Variants in LNX2 observed in about 807,000 individuals in gnomAD.
LNX2 encodes the protein ligand of numb-protein X 2.
A neutral mutation model predicts 66.2 loss-of-function variants in LNX2; 35 were observed. That is an observed-to-expected ratio of 0.53 (90% CI 0.40 to 0.70). LNX2 has a LOEUF of 0.70. Among genes scored for constraint, LNX2 ranks in the 30% least tolerant of loss-of-function variants. The probability of loss-of-function intolerance (pLI) is 0.00; values close to 1 mark genes in which losing one functional copy is unlikely to be tolerated. For synonymous variants in LNX2, 337 were observed against 315.6 expected (o/e 1.07, Z -0.72); for missense variants, 791 against 850.8 (o/e 0.93, Z 0.87).
intron 7 of LNX2, among the ~76,000 whole-genome samples, chr13:27,554,820 A>C (rs917595410): frequency 6.6e-6 from 1 of 152,202 alleles, no homozygotes; most frequent in African/African-American, 2.4e-5. Context: ...TTTTCCAAAA[A>C]CAGTTGTACC....
intron 1 of LNX2, among the ~76,000 whole-genome samples, chr13:27,616,620 T>A (rs1201762735): frequency 6.6e-6 from 1 of 152,230 alleles, no homozygotes; most frequent in Non-Finnish European, 1.5e-5. Flanking sequence ...ATTCTGCAGT[T>A]AGCAAAATAG....
chr13:27,600,192 C>T (rs917930891), intron 1 of LNX2, among the ~76,000 whole-genome samples: 25 of 152,126 alleles, frequency 1.6e-4, no homozygotes, highest in African/African-American at 6.0e-4. Flanking sequence ...TAGCCAATGA[C>T]ACAAAATGAT....
intron 1 of LNX2, among the ~76,000 whole-genome samples, chr13:27,609,882 TA>T (rs1476427414): frequency 6.6e-6 from 1 of 152,228 alleles, no homozygotes; most frequent in Non-Finnish European, 1.5e-5. Flanking sequence ...TCAAATGTGC[TA>T]ATAAATGTAC....
chr13:27,618,578 T>C (rs1955851971), intron 1 of LNX2, among the ~76,000 whole-genome samples: 1 of 152,204 alleles, frequency 6.6e-6, no homozygotes, highest in African/African-American at 2.4e-5. Flanking sequence ...CAGCTCAGTA[T>C]CACTGACTGG....
chr13:27,577,979 T>C (rs1213101923), intron 2 of LNX2, among the ~76,000 whole-genome samples: 1 of 152,258 alleles, frequency 6.6e-6, no homozygotes, highest in Non-Finnish European at 1.5e-5. Flanking sequence ...TTTATTTCTC[T>C]GTTCAAAGAT....
intron 2 of LNX2, among the ~76,000 whole-genome samples, chr13:27,574,254 G>A (rs912218908): frequency 2.6e-5 from 4 of 152,206 alleles, no homozygotes; most frequent in African/African-American, 9.6e-5. Flanking sequence ...AGACCAGCCT[G>A]AACAATATGG....
At chr13:27,618,542 C>T (rs1298281795) in intron 1 of LNX2, among the ~76,000 whole-genome samples, 1 of 152,186 alleles carries the variant, frequency 6.6e-6, no homozygotes, top group Non-Finnish European at 1.5e-5. Context: ...TACCCGTTAT[C>T]ATGACATTCT....
In LNX2 at chr13:27,559,845, A is replaced by G. The variant is rs760858650; in HGVS notation, c.1365T>C (p.His455=). 6.5e-7 allele frequency: 1 copy of G among 1,549,722 alleles called. No individual in the cohort carries two copies. Among genetic ancestry groups the G allele is most frequent in the Non-Finnish European group, 8.7e-7 (1 of 1,146,594 alleles). Residue 455 remains histidine (H), a synonymous_variant, in exon 6 of 10, where the codon CAT becomes CAC. Transcript: ENST00000316334. ...PPPYYSRPSS[H]KDLTQCVTCQ... Reference sequence around the variant, plus strand: ...AAAAAAAAAAAAAAATCCTCACCTTATGTGAGCTTGGTCTGCTATAATACG... The same window carrying G: ...AAAAAAAAAAAAAAATCCTCACCTTGTGTGAGCTTGGTCTGCTATAATACG...
At position 27,583,235 on chromosome 13, in the gene LNX2, T is replaced by TCCTCTCCTATATAA. The variant is rs1410534303; in HGVS notation, c.-100-1433_-100-1432insTTATATAGGAGAGG. ...GTGTGTGTGTGTGTGTGTGTGTGTG[T>TCCTCTCCTATATAA]GTGTGTGTGTGTGTGTGTGTGCGCG... On this transcript the variant is annotated intron_variant, in intron 1 of 9. Transcript: ENST00000316334. 9.3e-4 allele frequency among the ~76,000 whole-genome samples: 16 copies of TCCTCTCCTATATAA among 17,144 alleles called. 6 individuals are homozygous for TCCTCTCCTATATAA. The highest frequency in any genetic ancestry group is 4.8e-3 in the African/African-American group (16 of 3,360). The allele number at this position is 17,144 out of a possible 152,430, so 11.2% of individuals were successfully genotyped here.
chr13:27,577,347 T>A (rs984706643), intron 2 of LNX2, among the ~76,000 whole-genome samples: 1 of 152,178 alleles, frequency 6.6e-6, no homozygotes, highest in Non-Finnish European at 1.5e-5. Context: ...AACACAAACT[T>A]CCCTCCAAGT....
intron 1 of LNX2, 41 bp downstream of exon 1, chr13:27,620,330 CAGCG>C (rs2138507607): frequency 6.6e-6 from 1 of 152,278 alleles, no homozygotes; most frequent in South Asian, 2.0e-4. Context: ...TGCCCGCAGC[CAGCG>C]AGAGGGCGCG....
intron 2 of LNX2, 39 bp from the exon 3 acceptor site, chr13:27,569,315 A>G (rs1222697286): frequency 1.3e-6 from 2 of 1,586,468 alleles, no homozygotes; most frequent in East Asian, 2.2e-5. Context: ...GATGATTTTG[A>G]AAACAAACAA....
intron 6 of LNX2, among the ~76,000 whole-genome samples, chr13:27,558,810 C>T (rs74328470): frequency 0.11 from 16,696 of 152,042 alleles, 1,075 homozygotes; most frequent in East Asian, 0.28. Flanking sequence ...AGACCAATGA[C>T]AAGTCTGTAG....
Position 27,548,230 on chromosome 13 carries a change from C to A in LNX2, c.*105G>T, listed in dbSNP as rs913939304. The A allele has an allele frequency of 7.5e-6, 8 of 1,066,008 alleles. No homozygotes were observed. The African/African-American group carries it at 1.1e-4, about 15-fold the overall frequency. The allele number at this position is 1,066,008 out of a possible 1,614,324, so 66.0% of individuals were successfully genotyped here. On this transcript the variant is annotated 3_prime_UTR_variant, in exon 10 of 10. Transcript: ENST00000316334. ...TAGTGGGTTTTGGCCCTGTGTATACCAGCAGTGTCAGCAGCTCCTAAACCA... is the reference window on the plus strand; with the variant it reads ...TAGTGGGTTTTGGCCCTGTGTATACAAGCAGTGTCAGCAGCTCCTAAACCA...
rs77587581 is a variant in LNX2, at chr13:27,574,520, G to C, written c.408-5244C>G. ...GTTTATTGAGATCATCCAGTCTGAG[G>C]AACAGGGAAGAAAAAAAAAAAAAGA... On this transcript the variant is annotated intron_variant, in intron 2 of 9. Coordinates refer to ENST00000316334, the MANE Select transcript of LNX2 (RefSeq NM_153371.4). 4.2e-4 allele frequency among the ~76,000 whole-genome samples: 63 copies of C among 150,240 alleles called. No individual in the cohort carries two copies. In the East Asian group the frequency reaches 0.012, roughly 28 times the overall value.
rs1346012819 is a variant in LNX2, at chr13:27,559,925, T to C, written c.1285A>G (p.Thr429Ala). 2 of 1,611,662 alleles carry C rather than the reference T, an allele frequency of 1.2e-6. No individual in the cohort carries two copies. Among genetic ancestry groups the C allele is most frequent in the African/African-American group, 1.3e-5 (1 of 74,840 alleles). The change falls in exon 6 of 10, where the codon ACC becomes GCC. Residue 429 changes from threonine to alanine, a missense_variant. By Grantham distance (58) the Thr-to-Ala change is moderately conservative. Transcript: ENST00000316334. ...ARPGKPQPGN[T>A]IREAGNHSSS... ...CTATGATTTCCTGCTTCTCTAATGG[T>C]GTTACCAGGCTGGGGTTTCCCTGGT...
chr13:27,548,409 G>A lies in LNX2; in HGVS notation c.1999C>T (p.Leu667=), dbSNP rs1015064895. 6.2e-7 allele frequency: 1 copy of A among 1,614,152 alleles called. No homozygotes were observed. Among genetic ancestry groups the A allele is most frequent in the Non-Finnish European group, 8.5e-7 (1 of 1,179,994 alleles). Residue 667 remains leucine (L), a synonymous_variant, in exon 10 of 10, where the codon CTA becomes TTA. Transcript: ENST00000316334. ...LSTVGMSHSA[L]VPMLKEQRNK... is the part of the protein sequence containing the mutation. ...CTCTGCTCCTTCAACATGGGAACTA[G>A]TGCAGAGTGGCTCATGCCCACGGTT...
chr13:27,562,289 A>C, intron 5 of LNX2, 124 bp downstream of exon 5: 1 of 1,221,336 alleles, frequency 8.2e-7, no homozygotes, highest in South Asian at 1.5e-5. Flanking sequence ...TCAGGTAGCC[A>C]CACCCGATTT....
At chr13:27,553,105 G>T in intron 8 of LNX2, 103 bp downstream of exon 8, 1 of 950,564 alleles carries the variant, frequency 1.1e-6, no homozygotes, top group Non-Finnish European at 1.6e-6. Context: ...CTGAATTAAA[G>T]CTTTTTTTTT....
Sources: gnomAD v4.1 joint callset for allele counts (sites outside exome capture counted in the v4.1 genomes callset) on GRCh38, gnomAD v4.1.1 for gene constraint, MANE v1.5 for transcripts, NCBI Gene and HGNC (gene_info 2026-07-23, HGNC 2026-07-21) for gene names.